CADM2: variants seen among roughly 807,000 people sequenced by gnomAD.
The protein encoded by CADM2 is cell adhesion molecule 2, also known as immunoglobulin superfamily member 4D.
In CADM2, 12 loss-of-function variants were observed where a neutral mutation model predicts 49.8. That is an observed-to-expected ratio of 0.24 (90% CI 0.15 to 0.39). CADM2 has a LOEUF of 0.39. CADM2 is among the 10% of genes least tolerant of loss of function. The probability of loss-of-function intolerance (pLI) is 1.00; values close to 1 mark genes in which losing one functional copy is unlikely to be tolerated. For missense variants in CADM2, 378 were observed against 492.3 expected, an observed-to-expected ratio of 0.77 and a Z score of 2.20; for synonymous variants, 214 against 175.4, an observed-to-expected ratio of 1.22 and a Z score of -1.74.
intron 1 of CADM2, among the ~76,000 whole-genome samples, chr3:85,621,848 A>G (rs1474308927): frequency 6.6e-6 from 1 of 152,174 alleles, no homozygotes. Context: ...TGCAGTGCCT[A>G]TCTCGGCATT....
At chr3:85,363,308 A>G (rs894351578) in intron 1 of CADM2, among the ~76,000 whole-genome samples, 3 of 152,224 alleles carry the variant, frequency 2.0e-5, no homozygotes, top group African/African-American at 7.2e-5. Context: ...AGGTAAATCA[A>G]TGAGGTCATT....
At chr3:85,999,624 AAAG>A (rs953542462) in intron 8 of CADM2, among the ~76,000 whole-genome samples, 3 of 151,442 alleles carry the variant, frequency 2.0e-5, no homozygotes, top group East Asian at 1.9e-4. Context: ...AAAGAGAAAG[AAAG>A]AAGGAGAAAG....
At chr3:85,656,771 T>G (rs1383896643) in intron 1 of CADM2, among the ~76,000 whole-genome samples, 1 of 152,208 alleles carries the variant, frequency 6.6e-6, no homozygotes, top group Non-Finnish European at 1.5e-5. Context: ...AAAACAAATA[T>G]CTTTACTAAA....
At chr3:85,230,449 G>A (rs973012410) in intron 1 of CADM2, among the ~76,000 whole-genome samples, 12 of 152,168 alleles carry the variant, frequency 7.9e-5, no homozygotes, top group Admixed American at 6.6e-4. Context: ...GGTAATAAAA[G>A]TGACCTGTGT....
chr3:85,563,411 T>TGGGAGG (rs2062156871), intron 1 of CADM2, among the ~76,000 whole-genome samples: 1 of 142,044 alleles, frequency 7.0e-6, no homozygotes. Flanking sequence ...TGTGTGTGTG[T>TGGGAGG]GGGGGGGTGG....
At chr3:85,437,305 C>A (rs1188998359) in intron 1 of CADM2, among the ~76,000 whole-genome samples, 1 of 152,128 alleles carries the variant, frequency 6.6e-6, no homozygotes, top group African/African-American at 2.4e-5. Flanking sequence ...GAAAAAGTTT[C>A]TGTAAACAGC....
intron 1 of CADM2, among the ~76,000 whole-genome samples, chr3:85,426,170 C>T (rs1426589957): frequency 6.6e-6 from 1 of 150,978 alleles, no homozygotes; most frequent in African/African-American, 2.4e-5. Context: ...GAGACTGAGT[C>T]CTGCTCTTTC....
At chr3:85,832,006 G>T (rs2074209056) in intron 3 of CADM2, among the ~76,000 whole-genome samples, 4 of 151,802 alleles carry the variant, frequency 2.6e-5, no homozygotes, top group Admixed American at 1.3e-4. Context: ...GGTATATAGT[G>T]AAAGGTGAAA....
chr3:85,045,362 T>C (rs2035612684), intron 1 of CADM2, among the ~76,000 whole-genome samples: 1 of 152,172 alleles, frequency 6.6e-6, no homozygotes, highest in South Asian at 2.1e-4. Flanking sequence ...CAGATAACTC[T>C]TTAAAATGTG....
At chr3:85,207,945 T>C (rs1226534938) in intron 1 of CADM2, among the ~76,000 whole-genome samples, 4 of 152,148 alleles carry the variant, frequency 2.6e-5, no homozygotes, top group Non-Finnish European at 5.9e-5. Context: ...TGAACCTCTA[T>C]TGCAGTTAGA....
intron 1 of CADM2, among the ~76,000 whole-genome samples, chr3:85,415,895 G>A (rs1003221898): frequency 1.3e-5 from 2 of 151,958 alleles, no homozygotes; most frequent in Non-Finnish European, 2.9e-5. Context: ...TTTAATTATT[G>A]CAAATTTGTG....
intron 1 of CADM2, among the ~76,000 whole-genome samples, chr3:85,347,592 TATATACATATATATAAAA>T (rs1200034574): frequency 2.1e-4 from 30 of 140,448 alleles, no homozygotes; most frequent in Admixed American, 5.1e-4. Flanking sequence ...TATATACATA[TATATACATATATATAAAA>T]ATATATATAC....
intron 3 of CADM2, among the ~76,000 whole-genome samples, chr3:85,857,109 A>G (rs1444867265): frequency 6.6e-6 from 1 of 152,120 alleles, no homozygotes; most frequent in Non-Finnish European, 1.5e-5. Flanking sequence ...TTATATCCTC[A>G]CATTGCACAA....
chr3:85,287,512 C>T (rs1456135807), intron 1 of CADM2, among the ~76,000 whole-genome samples: 5 of 152,014 alleles, frequency 3.3e-5, no homozygotes, highest in Non-Finnish European at 7.4e-5. Context: ...GAGATTTCTT[C>T]TCATTCCCTT....
chr3:85,064,493 G>A (rs1314615560), intron 1 of CADM2, among the ~76,000 whole-genome samples: 1 of 151,966 alleles, frequency 6.6e-6, no homozygotes, highest in Non-Finnish European at 1.5e-5. Flanking sequence ...AATAACCAAA[G>A]AAACTTTCGG....
At chr3:85,786,319 T>G (rs1021835950) in intron 2 of CADM2, among the ~76,000 whole-genome samples, 2 of 152,116 alleles carry the variant, frequency 1.3e-5, no homozygotes, top group Admixed American at 6.6e-5. Context: ...GTATAATTTC[T>G]TTAGCAAATT....
chr3:85,011,864 C>T (rs1188735375), intron 1 of CADM2, among the ~76,000 whole-genome samples: 1 of 151,378 alleles, frequency 6.6e-6, no homozygotes, highest in Non-Finnish European at 1.5e-5. Context: ...AAAGAAAGAC[C>T]CTGTCTCAAA....
chr3:85,189,657 C>T (rs551919249), intron 1 of CADM2, among the ~76,000 whole-genome samples: 1 of 152,202 alleles, frequency 6.6e-6, no homozygotes, highest in East Asian at 1.9e-4. Flanking sequence ...TAAATGATGG[C>T]TGATTTTAAA....
chr3:86,026,124 C>T (rs1363731058), intron 8 of CADM2, among the ~76,000 whole-genome samples: 1 of 152,086 alleles, frequency 6.6e-6, no homozygotes, highest in Admixed American at 6.6e-5. Flanking sequence ...GGGGGATGCT[C>T]TTCATTGTGT....
Sources: gnomAD v4.1 joint callset for allele counts (sites outside exome capture counted in the v4.1 genomes callset) on GRCh38, gnomAD v4.1.1 for gene constraint, MANE v1.5 for transcripts, NCBI Gene and HGNC (gene_info 2026-07-23, HGNC 2026-07-21) for gene names.